The following TACC2 variants were observed in gnomAD, a reference collection of about 807,000 sequenced individuals.
TACC2 encodes the protein transforming acidic coiled-coil containing protein 2.
TACC2 carries 137 observed loss-of-function variants against 227.3 expected under a neutral mutation model. That is an observed-to-expected ratio of 0.60 (90% CI 0.52 to 0.69). TACC2 has a LOEUF of 0.69. Among genes scored for constraint, TACC2 ranks in the 30% least tolerant of loss-of-function variants. The probability of loss-of-function intolerance (pLI) is 0.00; values close to 1 mark genes in which losing one functional copy is unlikely to be tolerated. For synonymous variants in TACC2, 1,523 were observed against 1,487.5 expected (o/e 1.02, Z -0.55); for missense variants, 3,470 against 3,694.4 (o/e 0.94, Z 1.57).
chr10:122,067,765 C>T (rs1360457686), intron 3 of TACC2, among the ~76,000 whole-genome samples: 1 of 152,172 alleles, frequency 6.6e-6, no homozygotes, highest in African/African-American at 2.4e-5. Context: ...CTTGGCCTCC[C>T]AAAATGCTGG....
In TACC2 at chr10:122,162,720, C is replaced by T. The variant is rs541412268; in HGVS notation, c.5834+19014C>T. Among the ~76,000 whole-genome samples, 14 of 152,280 alleles carry T rather than the reference C, an allele frequency of 9.2e-5. No homozygotes were observed. The East Asian group carries it at 2.7e-3, about 29-fold the overall frequency. On this transcript the variant is annotated intron_variant, in intron 7 of 22. Transcript: ENST00000369005. ...TTGGCTGCTGATGGGTGACATGCTG[C>T]CAGCTACAGAATGGGGCTGACTGGG...
intron 5 of TACC2, 69 bp downstream of exon 5, chr10:122,088,660 T>C: frequency 1.3e-6 from 2 of 1,569,452 alleles, no homozygotes; most frequent in South Asian, 2.3e-5. Flanking sequence ...CTGGATGTTT[T>C]GGAAAGGAGA....
chr10:122,245,767 T>C (rs2096099462), intron 19 of TACC2, among the ~76,000 whole-genome samples: 1 of 152,106 alleles, frequency 6.6e-6, no homozygotes, highest in Admixed American at 6.6e-5. Context: ...TCTTCCTCCT[T>C]CTTGGGGGCT....
At chr10:122,064,562 A>G (rs552391389) in intron 3 of TACC2, among the ~76,000 whole-genome samples, 11 of 152,276 alleles carry the variant, frequency 7.2e-5, no homozygotes, top group Admixed American at 5.2e-4. Context: ...CTCTATAACT[A>G]TTTGCTCAAA....
chr10:122,173,719 C>A (rs78961022), intron 7 of TACC2, among the ~76,000 whole-genome samples: 2 of 152,184 alleles, frequency 1.3e-5, no homozygotes, highest in South Asian at 2.1e-4. Context: ...GCCTGCCCTG[C>A]GAGATGAGGG....
At chr10:122,218,004 A>G (rs1227188948) in intron 11 of TACC2, among the ~76,000 whole-genome samples, 1 of 150,976 alleles carries the variant, frequency 6.6e-6, no homozygotes, top group Non-Finnish European at 1.5e-5. Flanking sequence ...GAGTGCAATG[A>G]TGTGATCTCG....
At chr10:122,046,899 T>C (rs1477196724) in intron 2 of TACC2, among the ~76,000 whole-genome samples, 1 of 152,162 alleles carries the variant, frequency 6.6e-6, no homozygotes, top group Non-Finnish European at 1.5e-5. Flanking sequence ...ATTTCAAAAA[T>C]GCAGGACCCT....
At chr10:122,250,114 G>T (rs989960910) in intron 22 of TACC2, among the ~76,000 whole-genome samples, 7 of 152,184 alleles carry the variant, frequency 4.6e-5, no homozygotes, top group African/African-American at 1.4e-4. Flanking sequence ...AGGGACAGGG[G>T]TGATCTTCCC....
intron 19 of TACC2, among the ~76,000 whole-genome samples, chr10:122,242,498 C>T (rs1027064540): frequency 6.6e-6 from 1 of 152,196 alleles, no homozygotes; most frequent in African/African-American, 2.4e-5. Context: ...TCACTGACCC[C>T]AGCACTGTTT....
chr10:122,215,546 C>T (rs953532837), intron 10 of TACC2, 95 bp downstream of exon 10: 2 of 1,080,398 alleles, frequency 1.9e-6, no homozygotes, highest in African/African-American at 3.1e-5. Context: ...TCATCCCGGG[C>T]CTGTTTCCAA....
chr10:122,157,538 C>A (rs1205061233), intron 7 of TACC2, among the ~76,000 whole-genome samples: 1 of 150,586 alleles, frequency 6.6e-6, no homozygotes, highest in African/African-American at 2.4e-5. Flanking sequence ...TTTAACCTGT[C>A]GGATTTTATG....
At chr10:122,063,765 T>C (rs2077088917) in intron 3 of TACC2, among the ~76,000 whole-genome samples, 1 of 151,622 alleles carries the variant, frequency 6.6e-6, no homozygotes. Context: ...TTAGGTGGTA[T>C]ATTAAGTGTG....
At chr10:122,230,042 A>C (rs2095706974) in intron 15 of TACC2, among the ~76,000 whole-genome samples, 1 of 152,220 alleles carries the variant, frequency 6.6e-6, no homozygotes. Context: ...ACTTTACCTT[A>C]AGAAAGAAAA....
intron 6 of TACC2, among the ~76,000 whole-genome samples, chr10:122,133,978 T>A (rs2088967830): frequency 6.6e-6 from 1 of 151,884 alleles, no homozygotes. Context: ...CCCTCTTCCT[T>A]GGGGTGCAGG....
rs370529132 is a variant in TACC2, at chr10:122,083,254, G to A, written c.754G>A (p.Ala252Thr). 2.5e-5 allele frequency: 41 copies of A among 1,613,454 alleles called. No individual in the cohort carries two copies. Among genetic ancestry groups the A allele is most frequent in the Non-Finnish European group, 3.0e-5 (35 of 1,179,988 alleles). ...GVASVQVTPE[A>T]PAAAQQGTES... The stretch of plus-strand genomic sequence containing the variant: ...GGCTTCTGTGCAAGTGACCCCTGAG[G>A]CCCCTGCTGCAGCCCAGCAGGGCAC... Residue 252 changes from alanine to threonine, a missense_variant, in exon 4 of 23, where the codon GCC becomes ACC. Physicochemically the swap from Ala to Thr is moderately conservative, Grantham distance 58. This residue lies in a region of TACC2 where 405 missense variants were observed against 389.6 expected (regional missense o/e 1.04). Transcript: ENST00000369005.
intron 1 of TACC2, among the ~76,000 whole-genome samples, chr10:122,003,046 T>C (rs999622374): frequency 2.0e-5 from 3 of 152,046 alleles, no homozygotes; most frequent in Non-Finnish European, 4.4e-5. Context: ...CTACTAAAAC[T>C]ACAAAAATTA....
intron 3 of TACC2, among the ~76,000 whole-genome samples, chr10:122,063,019 C>T (rs983323955): frequency 3.3e-5 from 5 of 152,064 alleles, no homozygotes; most frequent in African/African-American, 1.2e-4. Context: ...GGACTAGAAC[C>T]GAGGCTGGTT....
chr10:122,032,451 C>A (rs569199345), intron 2 of TACC2, among the ~76,000 whole-genome samples: 4 of 152,154 alleles, frequency 2.6e-5, no homozygotes, highest in African/African-American at 9.7e-5. Flanking sequence ...AGGAAAGATG[C>A]AAGTCTGAAG....
In TACC2 at chr10:122,086,963, C is replaced by T. The variant is rs138712565; in HGVS notation, c.4463C>T (p.Ala1488Val). 55 of 1,613,866 alleles carry T rather than the reference C, an allele frequency of 3.4e-5. No homozygotes were observed. The African/African-American group carries it at 4.3e-4, about 13-fold the overall frequency. Residue 1488 changes from alanine to valine, a missense_variant, in exon 4 of 23, where the codon GCT becomes GTT. Physicochemically the swap from Ala to Val is moderately conservative, Grantham distance 64. Around this residue, in one of 10 missense-constraint regions of TACC2, gnomAD observed 1,924 missense variants for 1,978.3 expected, o/e 0.97. Coordinates refer to ENST00000369005, the MANE Select transcript of TACC2 (RefSeq NM_206862.4). The part of the protein sequence containing the change: ...LAGEAEISHL[A>V]LQDPASDKLL... ...GGAGAGGCTGAGATTTCCCATCTGG[C>T]TCTGCAAGATCCAGCTTCAGACAAG...
Sources: allele counts gnomAD v4.1 joint callset (sites outside exome capture counted in the v4.1 genomes callset), GRCh38; gene constraint gnomAD v4.1.1; regional missense constraint gnomAD v4.1.1; transcripts MANE v1.5; gene names NCBI Gene and HGNC (gene_info 2026-07-23, HGNC 2026-07-21).